Variants in ADCK1 observed in about 807,000 individuals in gnomAD.
ADCK1 encodes aarF domain containing kinase 1.
Under a neutral mutation model 52.3 loss-of-function variants are expected in ADCK1, and 41 were observed. That is an observed-to-expected ratio of 0.78 (90% CI 0.61 to 1.02). The LOEUF (loss-of-function observed/expected upper bound fraction) is 1.02. Ranked by LOEUF, ADCK1 falls within the 50% of genes least tolerant of loss-of-function variation. The pLI, the probability that ADCK1 is intolerant of heterozygous loss-of-function variation, is 0.00. For missense variants in ADCK1, 658 were observed against 679.5 expected (o/e 0.97, Z 0.35); for synonymous variants, 250 against 274.6 (o/e 0.91, Z 0.89).
chr14:77,900,683 G>A (rs1475734433), intron 6 of ADCK1: 1 of 439,420 alleles, frequency 2.3e-6, no homozygotes, highest in Non-Finnish European at 4.6e-6. Context: ...AGGTGTGTTT[G>A]TTTTGTGTAT....
Position 77,893,706 on chromosome 14 carries a change from C to T in ADCK1, c.583-5394C>T, listed in dbSNP as rs1222908705. The stretch of plus-strand genomic sequence containing the variant: ...GAGCAGCATTTTCAGTGCATTCTGT[C>T]TACCATCTTGTTTCTTCCCTTCCTT... On this transcript the variant is annotated intron_variant, in intron 5 of 10. Coordinates refer to ENST00000238561, the MANE Select transcript of ADCK1 (RefSeq NM_020421.4). Among the ~76,000 whole-genome samples, 3 of 145,846 alleles carry T rather than the reference C, an allele frequency of 2.1e-5. No homozygotes were observed. In the East Asian group the frequency reaches 6.0e-4, roughly 29 times the overall value.
At chr14:77,856,820 A>G (rs550864717) in intron 3 of ADCK1, among the ~76,000 whole-genome samples, 2 of 152,038 alleles carry the variant, frequency 1.3e-5, no homozygotes, top group East Asian at 2.0e-4. Flanking sequence ...CCTGGCCAAC[A>G]TGGTGAAACC....
In ADCK1 at chr14:77,854,484, T is replaced by G. The variant is rs2082375309; in HGVS notation, c.220-4592T>G. Reference sequence around the variant, plus strand: ...GTGCTTTGACATCTTGAAGTTTTGCTGGCATTGGAGGGACCGCTCCTCCCA... The same window carrying G: ...GTGCTTTGACATCTTGAAGTTTTGCGGGCATTGGAGGGACCGCTCCTCCCA... On this transcript the variant is annotated intron_variant, in intron 3 of 10. Transcript: ENST00000238561. Among the ~76,000 whole-genome samples, 3 of 152,164 alleles carry G rather than the reference T, an allele frequency of 2.0e-5. No individual in the cohort carries two copies. The South Asian group carries it at 6.2e-4, about 32-fold the overall frequency.
At chr14:77,887,856 T>A (rs1216064319) in intron 5 of ADCK1, among the ~76,000 whole-genome samples, 4 of 152,232 alleles carry the variant, frequency 2.6e-5, no homozygotes, top group Non-Finnish European at 5.9e-5. Context: ...CATCACCGCC[T>A]ACGGGGAGGT....
At chr14:77,918,812 T>TAA (rs1290277820) in intron 7 of ADCK1, among the ~76,000 whole-genome samples, 2 of 152,200 alleles carry the variant, frequency 1.3e-5, no homozygotes, top group Non-Finnish European at 2.9e-5. Context: ...GACAATTAAT[T>TAA]AAAGGCACAG....
intron 6 of ADCK1, among the ~76,000 whole-genome samples, chr14:77,905,912 G>A (rs182304713): frequency 7.3e-4 from 111 of 152,314 alleles, no homozygotes; most frequent in Admixed American, 1.5e-3. Flanking sequence ...TAAGTTCAAA[G>A]TATCAGTTTC....
chr14:77,887,163 G>A lies in ADCK1; in HGVS notation c.496G>A (p.Val166Met). ...CTCCCTGGCCCAGGTCCACAAGGCA[G>A]TGCTGCATGATGGGCGGACGGTGGC... is the stretch of plus-strand genomic sequence containing the variant. ...TASLAQVHKA[V>M]LHDGRTVAVK... The change falls in exon 5 of 11, where the codon GTG (valine) becomes ATG (methionine). Residue 166 changes from valine (V) to methionine (M), a missense_variant. Val to Met is a conservative substitution (Grantham distance 21). Coordinates refer to ENST00000238561, the MANE Select transcript of ADCK1 (RefSeq NM_020421.4). The A allele has an allele frequency of 1.2e-6, 2 of 1,610,812 alleles. No individual in the cohort carries two copies. The highest frequency in any genetic ancestry group is 1.7e-6 in the Non-Finnish European group (2 of 1,178,466).
Position 77,819,050 on chromosome 14 carries a change from C to T in ADCK1, c.72C>T (p.Tyr24=), listed in dbSNP as rs2081524602. ...TTGCTGCCTCTGGCATCTACTTCTA[C>T]AGTAACAAGTACTTGGACCCTAATG... ...MALAASGIYF[Y]SNKYLDPNDF... The change falls in exon 2 of 11, where the codon TAC becomes TAT. Residue 24 remains tyrosine, a synonymous_variant. Coordinates refer to ENST00000238561, the MANE Select transcript of ADCK1 (RefSeq NM_020421.4). The T allele has an allele frequency of 1.2e-6, 2 of 1,614,216 alleles. No homozygotes were observed. Among genetic ancestry groups the T allele is most frequent in the African/African-American group, 1.3e-5 (1 of 75,058 alleles).
rs557776168 is a variant in ADCK1, at chr14:77,829,958, A to G, written c.219+7440A>G. Among the ~76,000 whole-genome samples the G allele has an allele frequency of 1.1e-3, 160 of 151,166 alleles. 9 individuals are homozygous for G. The highest frequency in any genetic ancestry group is 1.8e-3 in the Admixed American group (28 of 15,164). On this transcript the variant is annotated intron_variant, in intron 3 of 10. Transcript: ENST00000238561. ...TGTCTATAAGAAAAAGATTAATTCAATGTTACTGGAGACTAGGAGAGTGAA... is the reference window on the plus strand; with the variant it reads ...TGTCTATAAGAAAAAGATTAATTCAGTGTTACTGGAGACTAGGAGAGTGAA...
chr14:77,904,089 T>C (rs554684259), intron 6 of ADCK1, among the ~76,000 whole-genome samples: 2 of 152,106 alleles, frequency 1.3e-5, no homozygotes, highest in Non-Finnish European at 2.9e-5. Flanking sequence ...ATGGTTTTGC[T>C]CTGTGGGGAA....
At chr14:77,803,680 T>G (rs914716694) in intron 1 of ADCK1, among the ~76,000 whole-genome samples, 1 of 152,210 alleles carries the variant, frequency 6.6e-6, no homozygotes, top group African/African-American at 2.4e-5. Context: ...TTGTTTCTAG[T>G]GGGAGGCATT....
chr14:77,920,040 A>C (rs1027530788), intron 7 of ADCK1, among the ~76,000 whole-genome samples: 4 of 151,776 alleles, frequency 2.6e-5, no homozygotes, highest in African/African-American at 9.7e-5. Context: ...GATTCCTTCC[A>C]CTCTGTGGAT....
intron 4 of ADCK1, among the ~76,000 whole-genome samples, chr14:77,882,905 C>T (rs1243577181): frequency 6.6e-6 from 1 of 151,890 alleles, no homozygotes; most frequent in Non-Finnish European, 1.5e-5. Flanking sequence ...GAGGACTTAA[C>T]TGCCCCAGAT....
At chr14:77,899,623 G>A (rs994793339) in intron 6 of ADCK1, among the ~76,000 whole-genome samples, 2 of 152,214 alleles carry the variant, frequency 1.3e-5, no homozygotes, top group Non-Finnish European at 2.9e-5. Flanking sequence ...CGCTGGGACT[G>A]TTTTAAACAC....
rs114641524 is a variant in ADCK1 at position 77,916,598 on chromosome 14, G to A, written c.859-7859G>A. 8.9e-3 allele frequency among the ~76,000 whole-genome samples: 1,360 copies of A among 152,212 alleles called. 25 individuals carry two copies. The highest frequency in any genetic ancestry group is 0.031 in the African/African-American group (1,308 of 41,536). Reference sequence around the variant, plus strand: ...GCCTCTGGAGTAGCTGGGACTACAGGGGCACGCCACCGTGCCTAGATAATT... The same window carrying A: ...GCCTCTGGAGTAGCTGGGACTACAGAGGCACGCCACCGTGCCTAGATAATT... On this transcript the variant is annotated intron_variant, in intron 7 of 10. Coordinates refer to ENST00000238561, the MANE Select transcript of ADCK1 (RefSeq NM_020421.4).
At chr14:77,815,974 C>A (rs1566630547) in intron 1 of ADCK1, among the ~76,000 whole-genome samples, 1 of 151,356 alleles carries the variant, frequency 6.6e-6, no homozygotes, top group Non-Finnish European at 1.5e-5. Flanking sequence ...TACTACCACA[C>A]CCAGCTAATG....
intron 6 of ADCK1, 24 bp downstream of exon 6, chr14:77,899,282 G>A (rs759674623): frequency 2.4e-5 from 38 of 1,613,068 alleles, no homozygotes; most frequent in Admixed American, 5.0e-5. Flanking sequence ...TGCAATGCAG[G>A]GTATGGTGGT....
At chr14:77,852,652 AATAAATAAATATATATATATATAT>A (rs1358848866) in intron 3 of ADCK1, among the ~76,000 whole-genome samples, 7 of 32,602 alleles carry the variant, frequency 2.1e-4, no homozygotes, top group South Asian at 1.2e-3. Context: ...TATTTCTTTA[AATAAATAAATATATATATATATAT>A]ATATATATAT....
intron 7 of ADCK1, among the ~76,000 whole-genome samples, chr14:77,912,320 A>AC (rs1442339567): frequency 2.6e-5 from 4 of 152,150 alleles, no homozygotes; most frequent in African/African-American, 9.7e-5. Flanking sequence ...ACTGTCACTT[A>AC]CCATCAGTAG....
Sources: gnomAD v4.1 joint callset for allele counts (sites outside exome capture counted in the v4.1 genomes callset) on GRCh38, gnomAD v4.1.1 for gene constraint, MANE v1.5 for transcripts, NCBI Gene and HGNC (gene_info 2026-07-23, HGNC 2026-07-21) for gene names.